Variants in ABCD3 observed in about 807,000 individuals in gnomAD.
ABCD3 encodes the protein ATP-binding cassette sub-family D member 3.
Under a neutral mutation model 105.5 loss-of-function variants are expected in ABCD3, and 41 were observed. That is an observed-to-expected ratio of 0.39 (90% CI 0.30 to 0.50). The LOEUF (loss-of-function observed/expected upper bound fraction) is 0.50. ABCD3 is among the 20% of genes least tolerant of loss of function. The pLI is 0.84. For missense variants in ABCD3, 622 were observed against 806.3 expected (o/e 0.77, Z 2.77); for synonymous variants, 258 against 269.0 (o/e 0.96, Z 0.40).
the ABCD3 span, among the ~76,000 whole-genome samples, chr1:94,402,803 T>C: frequency 6.6e-6 from 1 of 152,192 alleles, no homozygotes; most frequent in Non-Finnish European, 1.5e-5. Context: ...CCTCTCTTTT[T>C]TTTTCTTTTA....
rs1264838677 is a variant in ABCD3 at position 94,489,977 on chromosome 1, T to G, written c.1322+2T>G. ...CATTATTGCAGATAACATTATAAAGTACGTACAGAAAAAGGTCTTTTAGCA... is the reference window on the plus strand; with the variant it reads ...CATTATTGCAGATAACATTATAAAGGACGTACAGAAAAAGGTCTTTTAGCA... On this transcript the variant is annotated splice_donor_variant, in intron 15 of 22. Coordinates refer to ENST00000370214, the MANE Select transcript of ABCD3 (RefSeq NM_002858.4). LOFTEE classifies it high-confidence loss of function. The G allele has an allele frequency of 6.2e-7, 1 of 1,612,312 alleles. No individual in the cohort carries two copies. Among genetic ancestry groups the G allele is most frequent in the Non-Finnish European group, 8.5e-7 (1 of 1,178,670 alleles).
At chr1:94,416,311 C>A (rs1027635910), upstream of ABCD3, among the ~76,000 whole-genome samples, 5 of 152,164 alleles carry the variant, frequency 3.3e-5, no homozygotes, top group African/African-American at 1.2e-4. Flanking sequence ...AAGCCTTAAG[C>A]CTTTATTGAA....
chr1:94,426,027 A>G (rs185417467), intron 1 of ABCD3, among the ~76,000 whole-genome samples: 100 of 152,342 alleles, frequency 6.6e-4, no homozygotes, highest in Non-Finnish European at 1.0e-3. Flanking sequence ...GTTTTAACCC[A>G]GTGCTCAGTA....
intron 9 of ABCD3, chr1:94,481,938 A>G (rs1649047331): frequency 6.6e-6 from 1 of 152,184 alleles, no homozygotes; most frequent in Non-Finnish European, 1.5e-5. Context: ...ATAACTTTAC[A>G]AAAGTTGGGA....
intron 15 of ABCD3, 24 bp downstream of exon 15, chr1:94,489,999 A>G: frequency 3.1e-6 from 5 of 1,590,412 alleles, no homozygotes; most frequent in Non-Finnish European, 4.3e-6. Flanking sequence ...AAGGTCTTTT[A>G]GCACCATAAA....
intron 21 of ABCD3, among the ~76,000 whole-genome samples, chr1:94,509,996 C>T (rs1042763212): frequency 6.6e-5 from 10 of 152,106 alleles, no homozygotes; most frequent in Admixed American, 1.3e-4. Flanking sequence ...TCCTTCAGTT[C>T]TGCTCTGATT....
At chr1:94,507,375 T>C (rs1650418541) in intron 21 of ABCD3, among the ~76,000 whole-genome samples, 2 of 152,222 alleles carry the variant, frequency 1.3e-5, no homozygotes, top group African/African-American at 2.4e-5. Context: ...CACATTTTCT[T>C]AATCCAGTCT....
At chr1:94,392,617 C>T in the ABCD3 span, among the ~76,000 whole-genome samples, 1 of 152,148 alleles carries the variant, frequency 6.6e-6, no homozygotes, top group Non-Finnish European at 1.5e-5. Context: ...TTGTACCTTC[C>T]CTCTCTTCCT....
rs1225132559 is a variant in ABCD3 at position 94,517,894 on chromosome 1, G to A, written c.*765G>A. 1.3e-5 allele frequency: 2 copies of A among 152,024 alleles called. No homozygotes were observed. The highest frequency in any genetic ancestry group is 3.0e-5 in the Non-Finnish European group (2 of 67,788). 9.4% of individuals were successfully genotyped at this position (152,024 alleles called of 1,614,324 possible). A position where few individuals can be genotyped will look rare whatever the true frequency, so the allele number is the denominator to read the frequency against. Reference sequence around the variant, plus strand: ...AAGTCCTTAACATGCCAGGCTCAAGGTCTTATAAGAGTTCTAGATTTTTAA... The same window carrying A: ...AAGTCCTTAACATGCCAGGCTCAAGATCTTATAAGAGTTCTAGATTTTTAA... On this transcript the variant is annotated 3_prime_UTR_variant, in exon 23 of 23. Coordinates refer to ENST00000370214, the MANE Select transcript of ABCD3 (RefSeq NM_002858.4).
intron 1 of ABCD3, among the ~76,000 whole-genome samples, chr1:94,451,536 T>C (rs1056314717): frequency 1.3e-5 from 2 of 152,222 alleles, no homozygotes; most frequent in Non-Finnish European, 1.5e-5. Context: ...TCAGATTTTA[T>C]ATTTTTGTTT....
intron 2 of ABCD3, among the ~76,000 whole-genome samples, chr1:94,463,624 C>T (rs1262242074): frequency 6.6e-6 from 1 of 152,118 alleles, no homozygotes; most frequent in Non-Finnish European, 1.5e-5. Flanking sequence ...GAGTGTCTTG[C>T]CTTTTCCAAG....
At chr1:94,457,229 T>G (rs1647619332) in intron 1 of ABCD3, among the ~76,000 whole-genome samples, 1 of 152,258 alleles carries the variant, frequency 6.6e-6, no homozygotes, top group African/African-American at 2.4e-5. Flanking sequence ...AAATGCATTT[T>G]GTATAACAGT....
the ABCD3 span, among the ~76,000 whole-genome samples, chr1:94,398,570 A>G: frequency 9.2e-5 from 14 of 152,146 alleles, no homozygotes; most frequent in East Asian, 2.7e-3. Flanking sequence ...TTTATTTGTC[A>G]TAGTCTGCAT....
At chr1:94,473,741 A>G in intron 4 of ABCD3, 25 bp from the exon 5 acceptor site, 1 of 1,593,494 alleles carries the variant, frequency 6.3e-7, no homozygotes. Flanking sequence ...TTTGCAACTA[A>G]TGCATTGCAT....
intron 1 of ABCD3, among the ~76,000 whole-genome samples, chr1:94,449,644 C>G (rs1441405143): frequency 2.6e-5 from 4 of 152,184 alleles, no homozygotes; most frequent in Non-Finnish European, 4.4e-5. Context: ...AGTGAACGTA[C>G]TTGTTTAGGA....
At chr1:94,386,831 G>T in the ABCD3 span, among the ~76,000 whole-genome samples, 3 of 151,912 alleles carry the variant, frequency 2.0e-5, no homozygotes, top group Non-Finnish European at 4.4e-5. Context: ...CTCCAGCCTG[G>T]GTGACAGAGT....
chr1:94,514,644 T>G (rs1650844600), intron 21 of ABCD3: 5 of 154,864 alleles, frequency 3.2e-5, no homozygotes, highest in Admixed American at 1.3e-4. Context: ...GAAACATTTA[T>G]GTGTTTAATT....
chr1:94,506,650 C>T lies in ABCD3; in HGVS notation c.1845+8C>T, dbSNP rs773499639. On this transcript the variant is annotated splice_region_variant and intron_variant, in intron 21 of 22. Coordinates refer to ENST00000370214, the MANE Select transcript of ABCD3 (RefSeq NM_002858.4). ...TATAGTCATTGTCGAAAGGTAAGTA[C>T]GCAGGTGCTCAGTTTGAGGAGCCAT... 3.6e-5 allele frequency: 57 copies of T among 1,601,202 alleles called. No homozygotes were observed. The highest frequency in any genetic ancestry group is 4.4e-5 in the South Asian group (4 of 90,838).
chr1:94,506,791 T>A (rs1215058286), intron 21 of ABCD3, 149 bp downstream of exon 21: 1 of 601,292 alleles, frequency 1.7e-6, no homozygotes, highest in Non-Finnish European at 3.0e-6. Context: ...TTAAAACATA[T>A]GAATAAAAGA....
Sources: gnomAD v4.1 joint callset for allele counts (sites outside exome capture counted in the v4.1 genomes callset) on GRCh38, gnomAD v4.1.1 for gene constraint, MANE v1.5 for transcripts, NCBI Gene and HGNC (gene_info 2026-07-23, HGNC 2026-07-21) for gene names.